AFF1: variants seen among roughly 807,000 people sequenced by gnomAD.
AFF1 encodes ALF transcription elongation factor 1.
Under a neutral mutation model 121.7 loss-of-function variants are expected in AFF1, and 48 were observed. The observed-to-expected ratio is 0.39, with a 90% CI of 0.31 to 0.50. The LOEUF (loss-of-function observed/expected upper bound fraction) is 0.50. Ranked by LOEUF, AFF1 falls within the 20% of genes least tolerant of loss-of-function variation. The pLI is 0.76. For synonymous variants in AFF1, 613 were observed against 563.0 expected, an observed-to-expected ratio of 1.09 and a Z score of -1.26; for missense variants, 1,523 against 1,511.7, an observed-to-expected ratio of 1.01 and a Z score of -0.12.
chr4:86,987,598 C>T (rs796344850), intron 2 of AFF1, among the ~76,000 whole-genome samples: 1 of 152,128 alleles, frequency 6.6e-6, no homozygotes, highest in Non-Finnish European at 1.5e-5. Flanking sequence ...CAATAACCAC[C>T]AGAGAGTAGT....
intron 2 of AFF1, among the ~76,000 whole-genome samples, chr4:86,963,271 A>G (rs1722280165): frequency 6.6e-6 from 1 of 151,920 alleles, no homozygotes; most frequent in Non-Finnish European, 1.5e-5. Flanking sequence ...AATAGAAATC[A>G]TATATTTCCT....
chr4:87,006,316 G>A (rs549018349), intron 2 of AFF1, among the ~76,000 whole-genome samples: 2 of 152,232 alleles, frequency 1.3e-5, no homozygotes, highest in Admixed American at 1.3e-4. Context: ...GTATTTTCCT[G>A]CTTTTGAGGC....
chr4:87,005,638 C>G (rs567414082), intron 2 of AFF1, among the ~76,000 whole-genome samples: 1 of 152,312 alleles, frequency 6.6e-6, no homozygotes, highest in South Asian at 2.1e-4. Flanking sequence ...TACACAAGTG[C>G]TTTTCTTCTA....
chr4:87,048,668 G>A (rs947223070), intron 4 of AFF1, among the ~76,000 whole-genome samples: 1 of 152,174 alleles, frequency 6.6e-6, no homozygotes, highest in African/African-American at 2.4e-5. Flanking sequence ...TTATCTTCCA[G>A]GAGGACAACT....
chr4:86,998,137 T>C (rs181658916), intron 2 of AFF1, among the ~76,000 whole-genome samples: 4 of 125,046 alleles, frequency 3.2e-5, no homozygotes, highest in Non-Finnish European at 7.0e-5. Flanking sequence ...ACAAGAAAAC[T>C]GCGTGGACAG....
intron 1 of AFF1, among the ~76,000 whole-genome samples, chr4:86,944,032 T>C (rs1418144504): frequency 6.6e-6 from 1 of 151,192 alleles, no homozygotes; most frequent in Non-Finnish European, 1.5e-5. Context: ...TAGTCCCAGT[T>C]ACTCTGAAGG....
chr4:86,944,603 C>A (rs1720716973), intron 1 of AFF1, among the ~76,000 whole-genome samples: 1 of 152,168 alleles, frequency 6.6e-6, no homozygotes, highest in Non-Finnish European at 1.5e-5. Context: ...CTCGGCCTCC[C>A]AAAGTGCTGG....
rs115839206 is a variant in AFF1 at position 87,064,352 on chromosome 4, A to G, written c.1059+16758A>G. ...AGGCAACATTTGTATTGACTGATAG[A>G]GTAAGATGGTTTTACAGGGTAGGAA... On this transcript the variant is annotated intron_variant, in intron 4 of 20. Coordinates refer to ENST00000395146, the MANE Select transcript of AFF1 (RefSeq NM_001166693.3). Among the ~76,000 whole-genome samples, 609 of 152,336 alleles carry G rather than the reference A, an allele frequency of 4.0e-3. 4 individuals carry two copies. Among genetic ancestry groups the G allele is most frequent in the African/African-American group, 0.014 (585 of 41,582 alleles).
At chr4:87,081,433 A>T (rs1429077445) in intron 4 of AFF1, among the ~76,000 whole-genome samples, 3 of 152,186 alleles carry the variant, frequency 2.0e-5, no homozygotes, top group Admixed American at 6.5e-5. Context: ...AAGTGCTGGG[A>T]TTACAGGCGT....
intron 2 of AFF1, among the ~76,000 whole-genome samples, chr4:86,961,869 C>T (rs1053742779): frequency 1.3e-5 from 2 of 152,164 alleles, no homozygotes; most frequent in African/African-American, 2.4e-5. Context: ...TAGCAGTTCT[C>T]GTTTTAGATT....
intron 2 of AFF1, among the ~76,000 whole-genome samples, chr4:86,952,458 T>C (rs1360507884): frequency 2.6e-5 from 4 of 152,200 alleles, no homozygotes; most frequent in Non-Finnish European, 5.9e-5. Context: ...ATCAATTATA[T>C]TAGGTAAAAG....
chr4:87,047,846 A>G (rs942023825), intron 4 of AFF1: 4 of 581,490 alleles, frequency 6.9e-6, no homozygotes, highest in Non-Finnish European at 1.2e-5. Flanking sequence ...ATTTATATAC[A>G]GTAAAACATA....
intron 4 of AFF1, among the ~76,000 whole-genome samples, chr4:87,078,134 G>A (rs1270385973): frequency 6.6e-6 from 1 of 152,136 alleles, no homozygotes; most frequent in Admixed American, 6.5e-5. Flanking sequence ...ATGGAGTATT[G>A]TTAATCTTGT....
In AFF1 at chr4:87,046,235, A is replaced by G; in HGVS notation, c.108A>G (p.Gln36=). The G allele has an allele frequency of 6.2e-7, 1 of 1,614,076 alleles. No individual in the cohort carries two copies. Residue 36 remains glutamine, a synonymous_variant, in exon 3 of 21, where the codon CAA becomes CAG. Coordinates refer to ENST00000395146, the MANE Select transcript of AFF1 (RefSeq NM_001166693.3). ...AAAGACGCAACCAGGAAGCCCACCA[A>G]GAGAAAGAGGCATTTCCTGAAAAGA... ...EKERRNQEAH[Q]EKEAFPEKIP... is the part of the protein sequence containing the mutation.
chr4:87,076,543 G>A (rs1722692397), intron 4 of AFF1, among the ~76,000 whole-genome samples: 1 of 152,158 alleles, frequency 6.6e-6, no homozygotes, highest in Admixed American at 6.5e-5. Context: ...GTTAAAGTTG[G>A]TTTTGCAACT....
chr4:87,017,531 C>T (rs894424325), intron 2 of AFF1, among the ~76,000 whole-genome samples: 1 of 152,100 alleles, frequency 6.6e-6, no homozygotes, highest in African/African-American at 2.4e-5. Flanking sequence ...GTAAAGAAAA[C>T]TCCAACTCCA....
At chr4:87,013,746 G>T (rs941628721) in intron 2 of AFF1, among the ~76,000 whole-genome samples, 1 of 151,460 alleles carries the variant, frequency 6.6e-6, no homozygotes, top group Non-Finnish European at 1.5e-5. Context: ...TATTTTAGGG[G>T]CAATATGGTC....
intron 2 of AFF1, among the ~76,000 whole-genome samples, chr4:86,961,863 A>AG (rs1722174941): frequency 6.6e-6 from 1 of 152,082 alleles, no homozygotes; most frequent in Non-Finnish European, 1.5e-5. Context: ...AAGTTGTAGC[A>AG]GTTCTCGTTT....
At chr4:87,095,479 G>A (rs559893436) in intron 8 of AFF1, among the ~76,000 whole-genome samples, 1 of 152,254 alleles carries the variant, frequency 6.6e-6, no homozygotes, top group South Asian at 2.1e-4. Context: ...TTTGGTAAAA[G>A]GTCTTCTTGA....
Sources: gnomAD v4.1 joint callset for allele counts (sites outside exome capture counted in the v4.1 genomes callset) on GRCh38, gnomAD v4.1.1 for gene constraint, MANE v1.5 for transcripts, NCBI Gene and HGNC (gene_info 2026-07-23, HGNC 2026-07-21) for gene names.